CNBD1: variants seen among roughly 807,000 people sequenced by gnomAD.
CNBD1 encodes cyclic nucleotide binding domain containing 1.
In CNBD1, 71 loss-of-function variants were observed where a neutral mutation model predicts 54.4. The ratio of observed to expected loss-of-function variants is 1.30; its 90% CI spans 1.08 to 1.59. The LOEUF is 1.59. Ranked by LOEUF, CNBD1 falls within the 40% of genes most tolerant of loss-of-function variation. The pLI is 0.00. For missense variants in CNBD1, 659 were observed against 518.0 expected (o/e 1.27, Z -2.64); for synonymous variants, 182 against 170.7 (o/e 1.07, Z -0.51).
intron 4 of CNBD1, among the ~76,000 whole-genome samples, chr8:87,155,542 G>GATGTATGATTA (rs1364948416): frequency 6.6e-6 from 1 of 152,188 alleles, no homozygotes; most frequent in East Asian, 1.9e-4. Context: ...AACAGAATTA[G>GATGTATGATTA]GAGACTGATT....
At chr8:86,891,436 T>C (rs1043234305) in intron 2 of CNBD1, among the ~76,000 whole-genome samples, 2 of 152,140 alleles carry the variant, frequency 1.3e-5, no homozygotes, top group Non-Finnish European at 2.9e-5. Flanking sequence ...TCCTGTTCCA[T>C]TGATCAGTAT....
chr8:87,376,444 A>G (rs747014342), intron 10 of CNBD1, among the ~76,000 whole-genome samples: 17 of 151,946 alleles, frequency 1.1e-4, no homozygotes, highest in Non-Finnish European at 2.1e-4. Flanking sequence ...TTAGGATTTC[A>G]ACCTATGAAT....
chr8:87,224,788 T>C (rs1814439075), intron 5 of CNBD1, among the ~76,000 whole-genome samples: 1 of 150,788 alleles, frequency 6.6e-6, no homozygotes, highest in East Asian at 1.9e-4. Context: ...AGAAAGTCAT[T>C]GGTAGCTTGA....
intron 4 of CNBD1, among the ~76,000 whole-genome samples, chr8:86,973,634 A>G (rs1808272990): frequency 6.6e-6 from 1 of 152,190 alleles, no homozygotes; most frequent in Non-Finnish European, 1.5e-5. Context: ...AGTTGTGTTT[A>G]GTGTGAAAGT....
intron 5 of CNBD1, among the ~76,000 whole-genome samples, 187 bp downstream of exon 5, chr8:87,206,325 C>T (rs1813975233): frequency 6.6e-6 from 1 of 152,052 alleles, no homozygotes; most frequent in Non-Finnish European, 1.5e-5. Flanking sequence ...CATTTTAGTA[C>T]TTAGAGTTTA....
intron 3 of CNBD1, among the ~76,000 whole-genome samples, chr8:86,916,375 C>T (rs1288954522): frequency 6.6e-6 from 1 of 152,150 alleles, no homozygotes; most frequent in Non-Finnish European, 1.5e-5. Context: ...CTTCTGGGGT[C>T]TTGCATTCCT....
At chr8:87,272,159 C>T (rs1455209755) in intron 6 of CNBD1, among the ~76,000 whole-genome samples, 1 of 151,742 alleles carries the variant, frequency 6.6e-6, no homozygotes. Context: ...ATAAATAAGA[C>T]CTGGTGTTTG....
At chr8:87,167,948 C>T (rs1314148592) in intron 4 of CNBD1, among the ~76,000 whole-genome samples, 2 of 151,962 alleles carry the variant, frequency 1.3e-5, no homozygotes, top group Admixed American at 6.6e-5. Context: ...ATAGCTATTG[C>T]TCCTAGATTG....
At chr8:87,009,593 C>T (rs1004419150) in intron 4 of CNBD1, among the ~76,000 whole-genome samples, 9 of 152,106 alleles carry the variant, frequency 5.9e-5, no homozygotes, top group Non-Finnish European at 1.2e-4. Flanking sequence ...TGAGCCACCA[C>T]ACCTGGCCCC....
At chr8:87,115,036 A>G (rs545145858) in intron 4 of CNBD1, among the ~76,000 whole-genome samples, 4 of 152,226 alleles carry the variant, frequency 2.6e-5, no homozygotes, top group African/African-American at 9.6e-5. Flanking sequence ...GTTAAGCTGC[A>G]TAATGAGGTT....
intron 4 of CNBD1, among the ~76,000 whole-genome samples, chr8:87,068,943 A>C (rs1810708144): frequency 1.3e-5 from 2 of 152,074 alleles, no homozygotes; most frequent in South Asian, 4.1e-4. Context: ...TTGGTACTTC[A>C]GTGCCTATGA....
chr8:87,180,778 G>A (rs1813295784), intron 4 of CNBD1, among the ~76,000 whole-genome samples: 1 of 152,170 alleles, frequency 6.6e-6, no homozygotes, highest in Non-Finnish European at 1.5e-5. Flanking sequence ...TTGACTCTCA[G>A]GCAGTCCATA....
chr8:87,386,759 C>T (rs1332367498), downstream of CNBD1, among the ~76,000 whole-genome samples: 1 of 152,050 alleles, frequency 6.6e-6, no homozygotes, highest in African/African-American at 2.4e-5. Flanking sequence ...ACAGAGAACG[C>T]CACAAAGATA....
intron 4 of CNBD1, among the ~76,000 whole-genome samples, chr8:87,138,241 C>A (rs1812299867): frequency 6.6e-6 from 1 of 152,098 alleles, no homozygotes. Flanking sequence ...TACTATTACA[C>A]TGAATATAGT....
intron 2 of CNBD1, among the ~76,000 whole-genome samples, chr8:87,402,635 A>G (rs962790453): frequency 1.3e-5 from 2 of 152,080 alleles, no homozygotes; most frequent in African/African-American, 2.4e-5. Context: ...TACACATTGT[A>G]TCATGGTGCA....
At chr8:86,900,632 T>C (rs1374421698) in intron 2 of CNBD1, among the ~76,000 whole-genome samples, 1 of 152,156 alleles carries the variant, frequency 6.6e-6, no homozygotes, top group Non-Finnish European at 1.5e-5. Flanking sequence ...TTATTATTTC[T>C]AGCTACTATA....
At chr8:87,201,297 A>G (rs1813857020) in intron 4 of CNBD1, among the ~76,000 whole-genome samples, 1 of 152,206 alleles carries the variant, frequency 6.6e-6, no homozygotes. Context: ...GAAAGACTGA[A>G]TGATTTCTGT....
chr8:86,948,832 T>G (rs1221713568), intron 4 of CNBD1, among the ~76,000 whole-genome samples: 2 of 152,196 alleles, frequency 1.3e-5, no homozygotes, highest in Admixed American at 6.5e-5. Context: ...AGAAAATTTT[T>G]GCCCAAACCA....
chr8:87,264,335 T>G (rs1808204940), intron 6 of CNBD1, among the ~76,000 whole-genome samples: 1 of 152,160 alleles, frequency 6.6e-6, no homozygotes, highest in African/African-American at 2.4e-5. Context: ...AACTCATCAT[T>G]TTTTATGGCT....
Sources: gnomAD v4.1 joint callset for allele counts (sites outside exome capture counted in the v4.1 genomes callset) on GRCh38, gnomAD v4.1.1 for gene constraint, MANE v1.5 for transcripts, NCBI Gene and HGNC (gene_info 2026-07-23, HGNC 2026-07-21) for gene names.